ZNF469: variants seen among roughly 807,000 people sequenced by gnomAD.
ZNF469 encodes zinc finger protein 469.
A neutral mutation model predicts 1.0 loss-of-function variants in ZNF469; 1 was observed. That is an observed-to-expected ratio of 1.00 (90% CI 0.35 to 4.73). The LOEUF is 4.73. Among genes scored for constraint, ZNF469 ranks in the 30% most tolerant of loss-of-function variants. ZNF469 has a pLI of 0.16. For missense variants in ZNF469, 6,100 were observed against 5,356.3 expected, an observed-to-expected ratio of 1.14 and a Z score of -4.33; for synonymous variants, 2,703 against 2,363.4, an observed-to-expected ratio of 1.14 and a Z score of -4.17.
At chr16:88,299,688 C>T in the ZNF469 span, among the ~76,000 whole-genome samples, 2 of 152,302 alleles carry the variant, frequency 1.3e-5, no homozygotes. Context: ...CCCTGCCCCA[C>T]CTGGATGAGC....
the ZNF469 span, among the ~76,000 whole-genome samples, chr16:88,201,944 C>T: frequency 1.3e-5 from 2 of 152,168 alleles, no homozygotes; most frequent in Non-Finnish European, 2.9e-5. This position sits in a 1 kb window ranked among gnomAD's most constrained non-coding sequence, Gnocchi z 5.0. Context: ...GGCTCCCATG[C>T]GGGCCCACCC....
the ZNF469 span, among the ~76,000 whole-genome samples, chr16:88,314,927 G>A: frequency 6.7e-6 from 1 of 149,000 alleles, no homozygotes; most frequent in Non-Finnish European, 1.5e-5. Flanking sequence ...TGATGATGCT[G>A]GTGTGGACTG....
chr16:88,431,538 T>C lies in ZNF469; in HGVS notation c.4068T>C (p.Pro1356=). The change falls in exon 3 of 3, where the codon CCT becomes CCC. Residue 1356 remains proline, a synonymous_variant. Transcript: ENST00000565624. ...SSKISSFGCD[P]AGFNRDPLGV... ...AGATCTCCAGTTTTGGCTGTGACCC[T>C]GCTGGTTTTAACAGAGACCCCTTGG... 6.4e-7 allele frequency: 1 copy of C among 1,550,444 alleles called. No individual in the cohort carries two copies. The highest frequency in any genetic ancestry group is 8.7e-7 in the Non-Finnish European group (1 of 1,146,998).
At chr16:88,270,194 A>G in the ZNF469 span, among the ~76,000 whole-genome samples, 1 of 152,094 alleles carries the variant, frequency 6.6e-6, no homozygotes. Context: ...GTGGGTAGAG[A>G]GAGGGTCTGG....
Position 88,437,249 on chromosome 16 carries a change from G to T in ZNF469, c.9779G>T (p.Gly3260Val). The T allele has an allele frequency of 6.5e-7, 1 of 1,549,044 alleles. No homozygotes were observed. Among genetic ancestry groups the T allele is most frequent in the African/African-American group, 1.4e-5 (1 of 73,130 alleles). Reference sequence around the variant, plus strand: ...CCGGGAGACCCGTGGGGGCAAGAGGGAGAAGCCAAGAAAGACAGCCCGGGC... The same window carrying T: ...CCGGGAGACCCGTGGGGGCAAGAGGTAGAAGCCAAGAAAGACAGCCCGGGC... ...GSPGDPWGQE[G>V]EAKKDSPGER... Residue 3260 changes from glycine (G) to valine (V), a missense_variant, in exon 3 of 3, where the codon GGA becomes GTA. Gly to Val is a moderately radical substitution (Grantham distance 109). Coordinates refer to ENST00000565624, the MANE Select transcript of ZNF469 (RefSeq NM_001367624.2).
the ZNF469 span, among the ~76,000 whole-genome samples, chr16:88,108,981 T>C: frequency 6.6e-6 from 1 of 152,192 alleles, no homozygotes; most frequent in South Asian, 2.1e-4. Flanking sequence ...CACGCCACAT[T>C]CATGACCCAG....
the ZNF469 span, among the ~76,000 whole-genome samples, chr16:88,188,572 C>T: frequency 6.6e-6 from 1 of 152,166 alleles, no homozygotes; most frequent in Admixed American, 6.5e-5. Flanking sequence ...CTCTGGGAGT[C>T]CTGTTCAACC....
At chr16:88,145,804 G>A in the ZNF469 span, among the ~76,000 whole-genome samples, 3 of 152,348 alleles carry the variant, frequency 2.0e-5, no homozygotes, top group Non-Finnish European at 2.9e-5. Context: ...GGAGATGGAC[G>A]GGCTCCCCCT....
chr16:88,206,402 C>T, the ZNF469 span, among the ~76,000 whole-genome samples: 27 of 152,252 alleles, frequency 1.8e-4, no homozygotes, highest in Non-Finnish European at 2.8e-4. Flanking sequence ...TTATTTTCAC[C>T]GCAGATACCT....
the ZNF469 span, among the ~76,000 whole-genome samples, chr16:88,249,745 A>G: frequency 2.6e-5 from 4 of 151,906 alleles, no homozygotes; most frequent in Admixed American, 6.6e-5. Flanking sequence ...CAATTTTTTA[A>G]TTTTTTTATA....
intron 1 of ZNF469, among the ~76,000 whole-genome samples, chr16:88,417,410 C>T (rs1244055783): frequency 6.6e-6 from 1 of 152,190 alleles, no homozygotes; most frequent in Non-Finnish European, 1.5e-5. Context: ...GGGCTGTGGG[C>T]ACCGTTGCCC....
the ZNF469 span, among the ~76,000 whole-genome samples, chr16:88,137,527 A>G: frequency 4.8e-4 from 71 of 148,820 alleles, no homozygotes; most frequent in African/African-American, 1.7e-3. Context: ...ACATGCATGC[A>G]ACCACATGTG....
chr16:88,126,971 C>T, the ZNF469 span, among the ~76,000 whole-genome samples: 3 of 152,220 alleles, frequency 2.0e-5, no homozygotes, highest in Non-Finnish European at 4.4e-5. Flanking sequence ...AGTCACACGC[C>T]ACCACGCCCG....
rs914359183 is a variant in ZNF469, at chr16:88,424,024, C to T, written c.-191-783C>T. Among the ~76,000 whole-genome samples, 11 of 152,242 alleles carry T rather than the reference C, an allele frequency of 7.2e-5. No homozygotes were observed. Among genetic ancestry groups the T allele is most frequent in the Non-Finnish European group, 7.3e-5 (5 of 68,038 alleles). On this transcript the variant is annotated intron_variant, in intron 1 of 2. Transcript: ENST00000565624. The surrounding 1 kb of genome is among the most constrained non-coding windows in gnomAD (Gnocchi z 4.3). Reference sequence around the variant, plus strand: ...ACCATCACGGAGACTGACAATTGGACAATCTCCTTCCAAAGTCAAACGCAG... The same window carrying T: ...ACCATCACGGAGACTGACAATTGGATAATCTCCTTCCAAAGTCAAACGCAG...
chr16:88,148,927 G>A, the ZNF469 span, among the ~76,000 whole-genome samples: 26,171 of 152,182 alleles, frequency 0.17, 2,772 homozygotes, highest in East Asian at 0.5. Flanking sequence ...TGCCTGGCAC[G>A]TGGCAGGTGC....
chr16:88,379,345 T>G (rs373643784), upstream of ZNF469, among the ~76,000 whole-genome samples: 11 of 152,108 alleles, frequency 7.2e-5, no homozygotes, highest in African/African-American at 2.7e-4. Flanking sequence ...CCGGGAGCCT[T>G]CCAGCTCTGC....
chr16:88,131,337 T>C, the ZNF469 span, among the ~76,000 whole-genome samples: 1 of 152,350 alleles, frequency 6.6e-6, no homozygotes, highest in African/African-American at 2.4e-5. Flanking sequence ...TAAGCCCTTG[T>C]GACACCTGTC....
chr16:88,131,549 G>A, the ZNF469 span, among the ~76,000 whole-genome samples: 4 of 152,298 alleles, frequency 2.6e-5, no homozygotes, highest in South Asian at 4.2e-4. Flanking sequence ...CCCCTTCACC[G>A]GGTCTCTCAT....
the ZNF469 span, among the ~76,000 whole-genome samples, chr16:88,231,232 G>A: frequency 7.2e-4 from 109 of 152,274 alleles, no homozygotes; most frequent in African/African-American, 2.5e-3. The surrounding 1 kb of genome is among the most constrained non-coding windows in gnomAD (Gnocchi z 4.5). Flanking sequence ...GGACCACATC[G>A]GTCAGAGCCC....
Sources: gnomAD v4.1 joint callset for allele counts (sites outside exome capture counted in the v4.1 genomes callset) on GRCh38, gnomAD v4.1.1 for gene constraint, Gnocchi (gnomAD v3.1) non-coding constraint, MANE v1.5 for transcripts, NCBI Gene and HGNC (gene_info 2026-07-23, HGNC 2026-07-21) for gene names.